The following COL14A1 variants were observed in gnomAD, a reference collection of about 807,000 sequenced individuals.
COL14A1 encodes collagen type XIV alpha 1 chain.
COL14A1 carries 136 observed loss-of-function variants against 230.3 expected under a neutral mutation model. That is an observed-to-expected ratio of 0.59 (90% CI 0.51 to 0.68). The LOEUF (loss-of-function observed/expected upper bound fraction) is 0.68, where lower values mean the gene tolerates loss of function less well. Among genes scored for constraint, COL14A1 ranks in the 30% least tolerant of loss-of-function variants. The pLI is 0.00. For synonymous variants in COL14A1, 792 were observed against 784.1 expected, an observed-to-expected ratio of 1.01 and a Z score of -0.17; for missense variants, 1,976 against 2,215.8, an observed-to-expected ratio of 0.89 and a Z score of 2.17.
At position 120,370,687 on chromosome 8, in the gene COL14A1, A is replaced by G. The variant is rs993988126; in HGVS notation, c.5312-465A>G. On this transcript the variant is annotated intron_variant, in intron 47 of 47. Transcript: ENST00000297848. ...CCAGACTCCCCTGTGTGACAGCTTC[A>G]TAATAAAGTTACTTAACTGTGCCTC... 25 of 1,435,086 alleles carry G rather than the reference A, an allele frequency of 1.7e-5. No homozygotes were observed. The African/African-American group carries it at 2.7e-4, about 16-fold the overall frequency. 88.9% of individuals were successfully genotyped at this position (1,435,086 alleles called of 1,614,324 possible).
chr8:120,319,089 G>A (rs1273807273), intron 40 of COL14A1, among the ~76,000 whole-genome samples: 2 of 152,008 alleles, frequency 1.3e-5, no homozygotes, highest in Non-Finnish European at 2.9e-5. Context: ...CAGTAGGAGT[G>A]GTGGGCTATT....
In COL14A1 at chr8:120,174,132, C is replaced by T. The variant is rs563543056; in HGVS notation, c.436+5885C>T. Reference sequence around the variant, plus strand: ...CTGCTATTCCTTCCATCCAGTTTTACTTGCCCCTCCTATATAATCAAATGT... The same window carrying T: ...CTGCTATTCCTTCCATCCAGTTTTATTTGCCCCTCCTATATAATCAAATGT... On this transcript the variant is annotated intron_variant, in intron 5 of 47. Coordinates refer to ENST00000297848, the MANE Select transcript of COL14A1 (RefSeq NM_021110.4). 2.5e-4 allele frequency among the ~76,000 whole-genome samples: 38 copies of T among 152,286 alleles called. 1 individual carries two copies. The highest frequency in any genetic ancestry group is 6.2e-4 in the South Asian group (3 of 4,824).
chr8:120,249,996 G>T (rs1258310233), intron 21 of COL14A1, among the ~76,000 whole-genome samples: 1 of 152,142 alleles, frequency 6.6e-6, no homozygotes, highest in Non-Finnish European at 1.5e-5. Context: ...ATTTGTATAG[G>T]CTTTAGCAAT....
chr8:120,341,417 A>T (rs1822294749), intron 43 of COL14A1, 57 bp downstream of exon 43: 2 of 1,535,648 alleles, frequency 1.3e-6, no homozygotes, highest in Non-Finnish European at 1.8e-6. Flanking sequence ...CTTCCATTGC[A>T]TAAGCCTGAT....
chr8:120,309,196 A>C (rs1426887525), intron 36 of COL14A1, among the ~76,000 whole-genome samples: 2 of 152,160 alleles, frequency 1.3e-5, no homozygotes, highest in African/African-American at 4.8e-5. Flanking sequence ...TGGCCTCCCA[A>C]AGTGCTGGGA....
chr8:120,181,074 T>C (rs977385223), intron 5 of COL14A1, among the ~76,000 whole-genome samples: 2 of 152,204 alleles, frequency 1.3e-5, no homozygotes, highest in African/African-American at 2.4e-5. Context: ...GTCCAGCTCT[T>C]GTGCCCATCT....
At chr8:120,146,089 T>C (rs563611283) in intron 1 of COL14A1, among the ~76,000 whole-genome samples, 17 of 152,222 alleles carry the variant, frequency 1.1e-4, no homozygotes, top group Non-Finnish European at 1.8e-4. Context: ...CTCTGTGACT[T>C]GGGCAACTTC....
intron 37 of COL14A1, among the ~76,000 whole-genome samples, chr8:120,312,799 C>G (rs1821087550): frequency 6.6e-6 from 1 of 152,122 alleles, no homozygotes; most frequent in Non-Finnish European, 1.5e-5. Flanking sequence ...CCCCACAATG[C>G]CTTTTTTTCT....
chr8:120,249,657 G>A (rs1383511279), intron 21 of COL14A1, among the ~76,000 whole-genome samples: 1 of 152,102 alleles, frequency 6.6e-6, no homozygotes, highest in East Asian at 1.9e-4. Context: ...ACTTGCTCCT[G>A]GAATCTAATG....
chr8:120,165,981 G>C (rs1815857639), intron 4 of COL14A1, among the ~76,000 whole-genome samples: 1 of 152,120 alleles, frequency 6.6e-6, no homozygotes, highest in South Asian at 2.1e-4. Context: ...ATGAGTTCCA[G>C]GAGGTCACAC....
rs1013705288 is a variant in COL14A1 at position 120,372,513 on chromosome 8, C to A, written c.*1282C>A. On this transcript the variant is annotated 3_prime_UTR_variant, in exon 48 of 48. Coordinates refer to ENST00000297848, the MANE Select transcript of COL14A1 (RefSeq NM_021110.4). ...TATTATGTGCTAGTTGAAATAGAAA[C>A]AAAAGAGAACCATAAATTTAATACG... Among the ~76,000 whole-genome samples the A allele has an allele frequency of 6.6e-6, 1 of 152,126 alleles. No homozygotes were observed. Among genetic ancestry groups the A allele is most frequent in the African/African-American group, 2.4e-5 (1 of 41,430 alleles).
chr8:120,346,153 AAT>A (rs1468231300), intron 45 of COL14A1, among the ~76,000 whole-genome samples: 3 of 152,230 alleles, frequency 2.0e-5, no homozygotes, highest in Non-Finnish European at 4.4e-5. Flanking sequence ...CATTTTATTT[AAT>A]AGTTTCATGG....
intron 45 of COL14A1, among the ~76,000 whole-genome samples, chr8:120,359,656 T>C (rs1823120521): frequency 6.6e-6 from 1 of 152,184 alleles, no homozygotes; most frequent in Admixed American, 6.5e-5. Flanking sequence ...GATCAAAATT[T>C]TGTAGCAGAA....
intron 26 of COL14A1, among the ~76,000 whole-genome samples, chr8:120,275,858 G>A (rs1012506183): frequency 4.6e-5 from 7 of 151,858 alleles, no homozygotes; most frequent in Admixed American, 2.0e-4. Context: ...GTGGTGAAAA[G>A]GAAATATTTA....
intron 37 of COL14A1, among the ~76,000 whole-genome samples, chr8:120,310,495 G>C (rs1401347815): frequency 5.3e-5 from 8 of 152,170 alleles, no homozygotes; most frequent in Non-Finnish European, 2.9e-5. Context: ...ACACAACTCT[G>C]TTTTTCATTC....
intron 25 of COL14A1, among the ~76,000 whole-genome samples, chr8:120,269,762 T>C (rs1044685059): frequency 6.6e-6 from 1 of 151,718 alleles, no homozygotes; most frequent in South Asian, 2.1e-4. Context: ...TTCATTCTTT[T>C]GGGCTGTGGT....
chr8:120,134,537 T>C (rs1204809459), intron 1 of COL14A1, among the ~76,000 whole-genome samples: 1 of 152,032 alleles, frequency 6.6e-6, no homozygotes, highest in Non-Finnish European at 1.5e-5. Flanking sequence ...GAAAATGCTA[T>C]AATTCCAAAG....
intron 45 of COL14A1, among the ~76,000 whole-genome samples, chr8:120,349,382 T>C (rs1012261216): frequency 4.0e-5 from 6 of 150,648 alleles, no homozygotes; most frequent in Non-Finnish European, 7.4e-5. Flanking sequence ...CAAAGCTGGG[T>C]GGAGAATGAC....
At chr8:120,177,940 A>G (rs914002450) in intron 5 of COL14A1, among the ~76,000 whole-genome samples, 1 of 151,934 alleles carries the variant, frequency 6.6e-6, no homozygotes, top group Non-Finnish European at 1.5e-5. Flanking sequence ...CAAAAGATAA[A>G]TGGGGAACAC....
Sources: allele counts gnomAD v4.1 joint callset (sites outside exome capture counted in the v4.1 genomes callset), GRCh38; gene constraint gnomAD v4.1.1; transcripts MANE v1.5; gene names NCBI Gene and HGNC (gene_info 2026-07-23, HGNC 2026-07-21).